IMMP2L: variants seen among roughly 807,000 people sequenced by gnomAD.
IMMP2L encodes inner mitochondrial membrane peptidase subunit 2.
Under a neutral mutation model 19.3 loss-of-function variants are expected in IMMP2L, and 18 were observed. The observed-to-expected ratio is 0.93, with a 90% CI of 0.64 to 1.38. The LOEUF is 1.38. Among genes scored for constraint, IMMP2L ranks in the 40% most tolerant of loss-of-function variants. The pLI is 0.00. For synonymous variants in IMMP2L, 76 were observed against 73.0 expected (o/e 1.04, Z -0.21); for missense variants, 233 against 218.2 (o/e 1.07, Z -0.43).
At chr7:111,535,369 A>T (rs540824850) in intron 1 of IMMP2L, among the ~76,000 whole-genome samples, 6 of 152,172 alleles carry the variant, frequency 3.9e-5, no homozygotes, top group African/African-American at 1.4e-4. Context: ...GAAAGAAAAA[A>T]ACTGCACACT....
chr7:110,783,657 G>C (rs553938299), intron 5 of IMMP2L, among the ~76,000 whole-genome samples: 1 of 151,970 alleles, frequency 6.6e-6, no homozygotes, highest in African/African-American at 2.4e-5. Context: ...AGGGTTCTGT[G>C]AAAAATTCAA....
intron 3 of IMMP2L, among the ~76,000 whole-genome samples, chr7:111,477,191 T>G (rs749586945): frequency 2.6e-5 from 4 of 152,138 alleles, no homozygotes; most frequent in African/African-American, 4.8e-5. Context: ...TTTCCAGGAA[T>G]GGCTCTGATT....
chr7:110,844,464 AG>A (rs999766927), intron 5 of IMMP2L, among the ~76,000 whole-genome samples: 3 of 152,150 alleles, frequency 2.0e-5, no homozygotes, highest in East Asian at 1.9e-4. Context: ...AACCAAAAAA[AG>A]TTTAGCAGTT....
chr7:110,809,206 A>G (rs1264809384), intron 5 of IMMP2L, among the ~76,000 whole-genome samples: 1 of 152,066 alleles, frequency 6.6e-6, no homozygotes, highest in East Asian at 1.9e-4. Flanking sequence ...GCCTGTTAAT[A>G]TTCAGTAGGT....
chr7:110,860,929 T>C (rs550319427), intron 5 of IMMP2L, among the ~76,000 whole-genome samples: 2 of 152,164 alleles, frequency 1.3e-5, no homozygotes, highest in South Asian at 4.2e-4. Context: ...CAAATAATAA[T>C]GGATAAAAAT....
intron 2 of IMMP2L, among the ~76,000 whole-genome samples, chr7:111,508,467 GGAAGAATTAGGCAT>G (rs1171926637): frequency 6.6e-6 from 1 of 152,116 alleles, no homozygotes; most frequent in Non-Finnish European, 1.5e-5. Flanking sequence ...CGCACAACCA[GGAAGAATTAGGCAT>G]GCAGACACCA....
intron 3 of IMMP2L, among the ~76,000 whole-genome samples, chr7:111,025,826 T>A (rs558228880): frequency 5.3e-5 from 8 of 152,208 alleles, no homozygotes; most frequent in Admixed American, 3.9e-4. Flanking sequence ...AATTCTGTTT[T>A]AACATTGTTT....
chr7:111,357,884 G>C (rs951048447), intron 3 of IMMP2L, among the ~76,000 whole-genome samples: 1 of 151,646 alleles, frequency 6.6e-6, no homozygotes, highest in Admixed American at 6.6e-5. Flanking sequence ...GTAACCCAAG[G>C]GCACTAGCCA....
intron 3 of IMMP2L, among the ~76,000 whole-genome samples, chr7:111,272,191 T>G (rs1408613753): frequency 6.6e-6 from 1 of 152,150 alleles, no homozygotes; most frequent in Non-Finnish European, 1.5e-5. Context: ...CCTTACTATA[T>G]CTCTTCAGGA....
At chr7:111,018,277 T>C (rs1017876038) in intron 3 of IMMP2L, among the ~76,000 whole-genome samples, 8 of 152,170 alleles carry the variant, frequency 5.3e-5, no homozygotes, top group African/African-American at 1.2e-4. Flanking sequence ...ACAGTGTTAA[T>C]AGAACTCAGT....
At position 110,760,533 on chromosome 7, in the gene IMMP2L, G is replaced by C. The variant is rs1027174524; in HGVS notation, c.409-96812C>G. On this transcript the variant is annotated intron_variant, in intron 5 of 5. Coordinates refer to ENST00000405709, the MANE Select transcript of IMMP2L (RefSeq NM_032549.4). This position sits in a 1 kb window ranked among gnomAD's most constrained non-coding sequence, Gnocchi z 4.2. ...CTCACTGCTTTCAGCTTATATAAAA[G>C]AGTTTTTGTTGTCCCCAACTCCCAG... 2.6e-5 allele frequency among the ~76,000 whole-genome samples: 4 copies of C among 152,068 alleles called. No individual in the cohort carries two copies. Among genetic ancestry groups the C allele is most frequent in the African/African-American group, 9.7e-5 (4 of 41,414 alleles).
At chr7:111,283,661 T>A (rs1820148654) in intron 3 of IMMP2L, among the ~76,000 whole-genome samples, 1 of 151,986 alleles carries the variant, frequency 6.6e-6, no homozygotes, top group Non-Finnish European at 1.5e-5. Context: ...TAACAAGACA[T>A]CATTAAAGTT....
chr7:111,434,296 C>G (rs1215440323), intron 3 of IMMP2L, among the ~76,000 whole-genome samples: 32 of 151,700 alleles, frequency 2.1e-4, no homozygotes, highest in Admixed American at 2.0e-3. Flanking sequence ...ATGTTCTGGT[C>G]TTTGGATTAG....
chr7:111,498,279 A>G (rs1843785067), intron 2 of IMMP2L, among the ~76,000 whole-genome samples: 1 of 152,154 alleles, frequency 6.6e-6, no homozygotes, highest in Non-Finnish European at 1.5e-5. Context: ...TAGCTATTCT[A>G]ATTTATAGTT....
chr7:110,722,819 A>G (rs1012455407), intron 5 of IMMP2L, among the ~76,000 whole-genome samples: 2 of 152,140 alleles, frequency 1.3e-5, no homozygotes. Context: ...TACAGATGCT[A>G]GAAGGATGGG....
intron 5 of IMMP2L, among the ~76,000 whole-genome samples, chr7:110,672,017 C>A (rs1791955396): frequency 6.6e-6 from 1 of 151,562 alleles, no homozygotes; most frequent in African/African-American, 2.4e-5. Context: ...CTGAAAAAAA[C>A]AAAACAAAAA....
rs371552075 is a variant in IMMP2L, at chr7:110,706,854, GT to G, written c.409-43134del. Among the ~76,000 whole-genome samples the G allele has an allele frequency of 5.1e-3, 779 of 151,832 alleles. 4 individuals carry two copies. The highest frequency in any genetic ancestry group is 0.018 in the African/African-American group (741 of 41,380). ...TGCAGATGCTCCTTAGTTTAATTAG[GT>G]CCCACTCGTCAATTTTTGTTTTTGC... On this transcript the variant is annotated intron_variant, in intron 5 of 5. Coordinates refer to ENST00000405709, the MANE Select transcript of IMMP2L (RefSeq NM_032549.4).
intron 3 of IMMP2L, among the ~76,000 whole-genome samples, chr7:111,120,428 C>A (rs1037169211): frequency 1.3e-5 from 2 of 152,116 alleles, no homozygotes; most frequent in African/African-American, 4.8e-5. Flanking sequence ...ACTTATTTCA[C>A]TACCATGAGC....
chr7:110,666,935 G>A (rs1791499952), intron 5 of IMMP2L, among the ~76,000 whole-genome samples: 2 of 152,088 alleles, frequency 1.3e-5, no homozygotes, highest in Non-Finnish European at 2.9e-5. Flanking sequence ...GCAGTGGCAT[G>A]ATCTTGGCTC....
Sources: gnomAD v4.1 joint callset for allele counts (sites outside exome capture counted in the v4.1 genomes callset) on GRCh38, gnomAD v4.1.1 for gene constraint, Gnocchi (gnomAD v3.1) non-coding constraint, MANE v1.5 for transcripts, NCBI Gene and HGNC (gene_info 2026-07-23, HGNC 2026-07-21) for gene names.